AMPH: variants seen among roughly 807,000 people sequenced by gnomAD.
AMPH encodes amphiphysin.
Under a neutral mutation model 99.1 loss-of-function variants are expected in AMPH, and 49 were observed. The ratio of observed to expected loss-of-function variants is 0.49; its 90% CI spans 0.39 to 0.63. The LOEUF (loss-of-function observed/expected upper bound fraction) is 0.63. AMPH is among the 20% of genes least tolerant of loss of function. The pLI, the probability that AMPH is intolerant of heterozygous loss-of-function variation, is 0.00. For synonymous variants in AMPH, 314 were observed against 317.3 expected, an observed-to-expected ratio of 0.99 and a Z score of 0.11; for missense variants, 759 against 863.4, an observed-to-expected ratio of 0.88 and a Z score of 1.52.
intron 5 of AMPH, among the ~76,000 whole-genome samples, chr7:38,477,348 A>G (rs1283358013): frequency 6.6e-6 from 1 of 152,184 alleles, no homozygotes; most frequent in Non-Finnish European, 1.5e-5. Context: ...AAACTATGTT[A>G]GATTTGGTTT....
At chr7:38,624,950 A>G (rs149096332) in intron 1 of AMPH, among the ~76,000 whole-genome samples, 20 of 151,584 alleles carry the variant, frequency 1.3e-4, no homozygotes, top group Non-Finnish European at 2.8e-4. Flanking sequence ...AACTATAAGA[A>G]AAAAAAAAGT....
chr7:38,573,643 C>A (rs531805423), intron 1 of AMPH, among the ~76,000 whole-genome samples: 2 of 152,180 alleles, frequency 1.3e-5, no homozygotes, highest in Non-Finnish European at 2.9e-5. Flanking sequence ...AATCTATCAG[C>A]CCTCTGTGGT....
intron 1 of AMPH, among the ~76,000 whole-genome samples, chr7:38,598,625 T>G (rs1793144152): frequency 6.6e-6 from 1 of 152,188 alleles, no homozygotes; most frequent in Non-Finnish European, 1.5e-5. Flanking sequence ...GTCTACTTCC[T>G]TTCACCAAAA....
chr7:38,551,848 C>T (rs1791193942), intron 1 of AMPH, among the ~76,000 whole-genome samples: 1 of 152,202 alleles, frequency 6.6e-6, no homozygotes, highest in Non-Finnish European at 1.5e-5. Flanking sequence ...AAAGAAATGT[C>T]TGCATGACAC....
intron 2 of AMPH, among the ~76,000 whole-genome samples, chr7:38,525,120 TTG>T (rs941877185): frequency 4.6e-5 from 7 of 150,712 alleles, no homozygotes; most frequent in African/African-American, 9.8e-5. Context: ...TCATTTGCAG[TTG>T]TGTGTGTGTG....
At chr7:38,601,710 C>T (rs1055454193) in intron 1 of AMPH, among the ~76,000 whole-genome samples, 1 of 152,158 alleles carries the variant, frequency 6.6e-6, no homozygotes, top group Non-Finnish European at 1.5e-5. Context: ...TAAAGATCTG[C>T]CTGGAAATCC....
intron 1 of AMPH, among the ~76,000 whole-genome samples, chr7:38,602,186 C>T (rs897109925): frequency 2.0e-5 from 3 of 152,210 alleles, no homozygotes; most frequent in African/African-American, 7.2e-5. Context: ...GGATGAGACA[C>T]CTTGTCCCAA....
chr7:38,631,228 C>A (rs914382169), intron 1 of AMPH, 55 bp downstream of exon 1: 7 of 1,473,958 alleles, frequency 4.7e-6, no homozygotes, highest in African/African-American at 1.5e-5. Flanking sequence ...CGGTGCCCTC[C>A]GGCCAAGCCC....
chr7:38,523,156 C>T (rs1790038434), intron 2 of AMPH, among the ~76,000 whole-genome samples: 1 of 150,312 alleles, frequency 6.7e-6, no homozygotes, highest in East Asian at 2.0e-4. Flanking sequence ...AAGCAGGAGA[C>T]ACTGAACTGC....
At chr7:38,390,557 C>T (rs1268040862) in intron 19 of AMPH, among the ~76,000 whole-genome samples, 2 of 152,204 alleles carry the variant, frequency 1.3e-5, no homozygotes, top group Admixed American at 1.3e-4. Flanking sequence ...TCCCTCAACT[C>T]CACCCCTGAG....
At chr7:38,437,596 A>G (rs1472564278) in intron 11 of AMPH, among the ~76,000 whole-genome samples, 1 of 139,882 alleles carries the variant, frequency 7.1e-6, no homozygotes, top group African/African-American at 2.7e-5. Context: ...CCTGGCTAAC[A>G]TGGTGAAACC....
In AMPH at chr7:38,407,021, CCT is replaced by C. The variant is rs71558121; in HGVS notation, c.1398+10802_1398+10803del. 4.8e-3 allele frequency among the ~76,000 whole-genome samples: 18 copies of C among 3,712 alleles called. 1 individual carries two copies. The highest frequency in any genetic ancestry group is 0.015 in the African/African-American group (18 of 1,222). 2.4% of individuals were successfully genotyped at this position (3,712 alleles called of 152,430 possible). A position where few individuals can be genotyped will look rare whatever the true frequency, so the allele number is the denominator to read the frequency against. ...ATAAGCCAATTTTCCCTAATAGACT[CCT>C]CTCTCTCTCTCTCTCTCTCTCTCTC... On this transcript the variant is annotated intron_variant, in intron 17 of 20. Transcript: ENST00000356264.
At chr7:38,515,032 CCTTAGAGATTA>C (rs1789687718) in intron 2 of AMPH, among the ~76,000 whole-genome samples, 1 of 152,104 alleles carries the variant, frequency 6.6e-6, no homozygotes, top group Non-Finnish European at 1.5e-5. Context: ...ACCTAAATCT[CCTTAGAGATTA>C]CTTAGGTGGT....
chr7:38,555,760 G>A (rs1791340422), intron 1 of AMPH, among the ~76,000 whole-genome samples: 1 of 152,172 alleles, frequency 6.6e-6, no homozygotes, highest in African/African-American at 2.4e-5. Flanking sequence ...AAAGTCAACA[G>A]GGATCAAATT....
intron 7 of AMPH, among the ~76,000 whole-genome samples, chr7:38,472,344 A>AT (rs1051044658): frequency 2.1e-4 from 32 of 152,252 alleles, no homozygotes; most frequent in African/African-American, 7.0e-4. Flanking sequence ...ATGCAATCTC[A>AT]TTTTAGATAA....
chr7:38,621,843 A>G (rs1328963347), intron 1 of AMPH, among the ~76,000 whole-genome samples: 1 of 152,204 alleles, frequency 6.6e-6, no homozygotes, highest in African/African-American at 2.4e-5. Context: ...GCTTTATACG[A>G]CATCATTCCT....
intron 1 of AMPH, among the ~76,000 whole-genome samples, chr7:38,561,132 C>T (rs2129048862): frequency 6.6e-6 from 1 of 152,336 alleles, no homozygotes; most frequent in South Asian, 2.1e-4. Context: ...TGTGGTTAAA[C>T]TAACAGGGAA....
At chr7:38,526,265 T>A (rs1402504937) in intron 2 of AMPH, among the ~76,000 whole-genome samples, 1 of 151,538 alleles carries the variant, frequency 6.6e-6, no homozygotes, top group Non-Finnish European at 1.5e-5. Flanking sequence ...TATTCATGGT[T>A]TCTTTTCTTT....
intron 1 of AMPH, among the ~76,000 whole-genome samples, chr7:38,614,478 C>T (rs1416741005): frequency 6.6e-6 from 1 of 152,202 alleles, no homozygotes; most frequent in Non-Finnish European, 1.5e-5. Context: ...ATAGAACACG[C>T]ATGAGTTCTC....
Sources: allele counts gnomAD v4.1 joint callset (sites outside exome capture counted in the v4.1 genomes callset), GRCh38; gene constraint gnomAD v4.1.1; transcripts MANE v1.5; gene names NCBI Gene and HGNC (gene_info 2026-07-23, HGNC 2026-07-21).